The following SFXN2 variants were observed in gnomAD, a reference collection of about 807,000 sequenced individuals.
SFXN2 encodes the protein sideroflexin 2.
In SFXN2, 37 loss-of-function variants were observed where a neutral mutation model predicts 41.9. That is an observed-to-expected ratio of 0.88 (90% CI 0.68 to 1.16). The LOEUF (loss-of-function observed/expected upper bound fraction) is 1.16. SFXN2 is among the 50% of genes most tolerant of loss of function. SFXN2 has a pLI of 0.00. For synonymous variants in SFXN2, 150 were observed against 156.7 expected, an observed-to-expected ratio of 0.96 and a Z score of 0.32; for missense variants, 386 against 425.2, an observed-to-expected ratio of 0.91 and a Z score of 0.81.
chr10:102,735,934 G>C, intron 11 of SFXN2, 25 bp downstream of exon 11: 14 of 1,612,164 alleles, frequency 8.7e-6, no homozygotes, highest in Non-Finnish European at 1.1e-5. Context: ...TTCCTTACTT[G>C]GTTTAATTGA....
intron 1 of SFXN2, among the ~76,000 whole-genome samples, chr10:102,725,632 C>A (rs1236978116): frequency 6.6e-6 from 1 of 152,132 alleles, no homozygotes; most frequent in Non-Finnish European, 1.5e-5. Context: ...GCAGCTCACA[C>A]CTGTAATCCC....
At chr10:102,717,622 G>C (rs377112699) in intron 1 of SFXN2, 10 of 246,472 alleles carry the variant, frequency 4.1e-5, no homozygotes, top group African/African-American at 2.1e-4. Context: ...AAAATTTAGA[G>C]ACCAGTATGA....
At position 102,729,350 on chromosome 10, in the gene SFXN2, A is replaced by G. The variant is rs1279807220; in HGVS notation, c.463A>G (p.Thr155Ala). Reference sequence around the variant, plus strand: ...GGCCCTTTCCTACTTCACAGCCACAACCACTGCTGTGGCCACGGCTGTGGG... The same window carrying G: ...GGCCCTTTCCTACTTCACAGCCACAGCCACTGCTGTGGCCACGGCTGTGGG... ...QMALSYFTAT[T>A]TAVATAVGMN... The change falls in exon 5 of 12, where the codon ACC (threonine) becomes GCC (alanine). Residue 155 changes from threonine to alanine, a missense_variant. Physicochemically the swap from Thr to Ala is moderately conservative, Grantham distance 58 (BLOSUM62 0). Coordinates refer to ENST00000369893, the MANE Select transcript of SFXN2 (RefSeq NM_178858.6). The G allele has an allele frequency of 3.7e-6, 6 of 1,614,024 alleles. No homozygotes were observed. The highest frequency in any genetic ancestry group is 2.2e-5 in the East Asian group (1 of 44,890).
chr10:102,726,882 A>G (rs1000241208), intron 2 of SFXN2, 85 bp downstream of exon 2: 10 of 1,586,726 alleles, frequency 6.3e-6, no homozygotes, highest in Non-Finnish European at 8.6e-6. Context: ...AAGGTGAAGG[A>G]ATAGGCAGAA....
intron 9 of SFXN2, 130 bp downstream of exon 9, chr10:102,733,038 C>A: frequency 1.1e-6 from 1 of 916,548 alleles, no homozygotes; most frequent in Non-Finnish European, 1.7e-6. Context: ...CTCACTCAAG[C>A]CCACACCAAT....
chr10:102,721,531 T>A (rs1206641172), intron 1 of SFXN2, among the ~76,000 whole-genome samples: 2 of 147,736 alleles, frequency 1.4e-5, no homozygotes, highest in Non-Finnish European at 3.0e-5. Flanking sequence ...ACGTAATTCA[T>A]GTCTATATAA....
At chr10:102,717,816 A>T (rs941668523) in intron 1 of SFXN2, 1 of 984,742 alleles carries the variant, frequency 1.0e-6, no homozygotes, top group Non-Finnish European at 1.2e-6. Context: ...CATGTGAAAC[A>T]TGTAGCAGTA....
chr10:102,717,814 A>G (rs2064439568), intron 1 of SFXN2: 101 of 984,852 alleles, frequency 1.0e-4, no homozygotes, highest in Non-Finnish European at 1.2e-4. Flanking sequence ...GGCATGTGAA[A>G]CATGTAGCAG....
chr10:102,736,893 G>A (rs1040809855), intron 11 of SFXN2, among the ~76,000 whole-genome samples: 10 of 150,482 alleles, frequency 6.6e-5, no homozygotes, highest in Admixed American at 2.6e-4. Flanking sequence ...GGTGGCTCAC[G>A]CCTGTAACCC....
intron 1 of SFXN2, chr10:102,715,465 G>C (rs943549733): frequency 6.6e-6 from 1 of 152,306 alleles, no homozygotes; most frequent in Non-Finnish European, 1.5e-5. Flanking sequence ...CACTGGGGTG[G>C]GTTGGGAAGT....
At chr10:102,728,605 C>A in intron 4 of SFXN2, 76 bp downstream of exon 4, 1 of 1,294,370 alleles carries the variant, frequency 7.7e-7, no homozygotes, top group Non-Finnish European at 1.1e-6. Flanking sequence ...GGCTGTCAGT[C>A]CTTCCTGGGT....
intron 1 of SFXN2, among the ~76,000 whole-genome samples, chr10:102,715,660 T>C (rs1259556153): frequency 1.3e-5 from 2 of 152,162 alleles, no homozygotes; most frequent in African/African-American, 4.8e-5. Flanking sequence ...AAATTGGTAA[T>C]TGCGGCCAGG....
chr10:102,720,922 A>G (rs1331569812), intron 1 of SFXN2, among the ~76,000 whole-genome samples: 1 of 152,152 alleles, frequency 6.6e-6, no homozygotes, highest in Non-Finnish European at 1.5e-5. Context: ...TGCAGACCTA[A>G]TTAAATTCCT....
rs1202524100 is a variant in SFXN2, at chr10:102,738,894, A to T, written c.*1132A>T. The stretch of plus-strand genomic sequence containing the variant: ...CTCCCTTCCTCAGCCCATTAGGTTA[A>T]ACACCAAAGAAAGACTGGTGTGTAC... On this transcript the variant is annotated 3_prime_UTR_variant, in exon 12 of 12. Transcript: ENST00000369893. The T allele has an allele frequency of 6.6e-6, 1 of 152,646 alleles. No individual in the cohort carries two copies. The highest frequency in any genetic ancestry group is 1.5e-5 in the Non-Finnish European group (1 of 68,048). The allele number at this position is 152,646 out of a possible 1,614,324, so 9.5% of individuals were successfully genotyped here.
At position 102,729,371 on chromosome 10, in the gene SFXN2, G is replaced by A. The variant is rs767631605; in HGVS notation, c.484G>A (p.Val162Met). 4.0e-5 allele frequency: 64 copies of A among 1,614,068 alleles called. No individual in the cohort carries two copies. The highest frequency in any genetic ancestry group is 5.0e-5 in the Non-Finnish European group (59 of 1,180,036). The change falls in exon 5 of 12, where the codon GTG (valine) becomes ATG (methionine). Residue 162 changes from valine to methionine, a missense_variant. Physicochemically the swap from Val to Met is conservative, Grantham distance 21 (BLOSUM62 1). Coordinates refer to ENST00000369893, the MANE Select transcript of SFXN2 (RefSeq NM_178858.6). ...CACAACCACTGCTGTGGCCACGGCT[G>A]TGGGCATGAACATGTTGACAAAGGT... ...TATTTAVATA[V>M]GMNMLTKKAP...
rs1378446216 is a variant in SFXN2 at position 102,729,309 on chromosome 10, C to T, written c.432-10C>T. The T allele has an allele frequency of 1.2e-6, 2 of 1,613,916 alleles. No individual in the cohort carries two copies. Among genetic ancestry groups the T allele is most frequent in the South Asian group, 1.1e-5 (1 of 91,062 alleles). On this transcript the variant is annotated splice_polypyrimidine_tract_variant and intron_variant, in intron 4 of 11. Transcript: ENST00000369893. The stretch of plus-strand genomic sequence containing the variant: ...GGGCCCCACTCCCAAGCATCTCTCT[C>T]CTCCCCCAGGCAGATGGCCCTTTCC...
At position 102,738,668 on chromosome 10, in the gene SFXN2, G is replaced by C. The variant is rs1337055202; in HGVS notation, c.*906G>C. 2.0e-5 allele frequency: 3 copies of C among 152,142 alleles called. No individual in the cohort carries two copies. Among genetic ancestry groups the C allele is most frequent in the Non-Finnish European group, 2.9e-5 (2 of 68,028 alleles). 9.4% of individuals were successfully genotyped at this position (152,142 alleles called of 1,614,324 possible). A position where few individuals can be genotyped will look rare whatever the true frequency, so the allele number is the denominator to read the frequency against. On this transcript the variant is annotated 3_prime_UTR_variant, in exon 12 of 12. Coordinates refer to ENST00000369893, the MANE Select transcript of SFXN2 (RefSeq NM_178858.6). Reference sequence around the variant, plus strand: ...CTTAGGAGTTATTAGTGCTAAAAAGGGGACCGTGCAAGGCAGCAGAGTTAC... The same window carrying C: ...CTTAGGAGTTATTAGTGCTAAAAAGCGGACCGTGCAAGGCAGCAGAGTTAC...
intron 10 of SFXN2, among the ~76,000 whole-genome samples, chr10:102,735,487 C>A (rs759388907): frequency 9.3e-5 from 14 of 151,302 alleles, no homozygotes; most frequent in Non-Finnish European, 2.1e-4. Context: ...GCTCTTCCCC[C>A]TCCATGTTGC....
At chr10:102,720,751 ACT>A (rs990760862) in intron 1 of SFXN2, among the ~76,000 whole-genome samples, 51 of 152,214 alleles carry the variant, frequency 3.4e-4, no homozygotes, top group African/African-American at 1.2e-3. Flanking sequence ...CCTAGGTATC[ACT>A]CTGGATATTT....
Sources: gnomAD v4.1 joint callset for allele counts (sites outside exome capture counted in the v4.1 genomes callset) on GRCh38, gnomAD v4.1.1 for gene constraint, MANE v1.5 for transcripts, NCBI Gene and HGNC (gene_info 2026-07-23, HGNC 2026-07-21) for gene names.